RORA: variants seen among roughly 807,000 people sequenced by gnomAD.
RORA encodes RAR related orphan receptor A.
Under a neutral mutation model 69.5 loss-of-function variants are expected in RORA, and 7 were observed. That is an observed-to-expected ratio of 0.10 (90% confidence interval 0.06 to 0.19). The LOEUF (loss-of-function observed/expected upper bound fraction) is 0.19, where lower values mean the gene tolerates loss of function less well. Among genes scored for constraint, RORA ranks in the 10% least tolerant of loss-of-function variants. The probability of loss-of-function intolerance (pLI) is 1.00; values close to 1 mark genes in which losing one functional copy is unlikely to be tolerated. For synonymous variants in RORA, 261 were observed against 240.8 expected (o/e 1.08, Z -0.78); for missense variants, 457 against 663.0 (o/e 0.69, Z 3.41).
At chr15:61,003,893 C>T (rs892065103) in intron 1 of RORA, among the ~76,000 whole-genome samples, 1 of 151,874 alleles carries the variant, frequency 6.6e-6, no homozygotes, top group Non-Finnish European at 1.5e-5. Flanking sequence ...ACAGGGAGAA[C>T]GAGTAGGGAA....
intron 2 of RORA, among the ~76,000 whole-genome samples, chr15:60,634,415 C>CT (rs1254627258): frequency 1.7e-5 from 2 of 116,240 alleles, no homozygotes; most frequent in African/African-American, 7.4e-5. Context: ...TTTTTTTTTT[C>CT]TTTTTTTTGA....
At chr15:60,844,625 C>T (rs1027366623) in intron 1 of RORA, among the ~76,000 whole-genome samples, 1 of 152,184 alleles carries the variant, frequency 6.6e-6, no homozygotes, top group African/African-American at 2.4e-5. Context: ...GATCACCATA[C>T]TGCAAAGGAA....
At position 60,515,873 on chromosome 15, in the gene RORA, T is replaced by TATAC. The variant is rs1338442820; in HGVS notation, c.283-1120_283-1117dup. Among the ~76,000 whole-genome samples, 7 of 130,294 alleles carry TATAC rather than the reference T, an allele frequency of 5.4e-5. No homozygotes were observed. The South Asian group carries it at 6.6e-4, about 12-fold the overall frequency. 85.5% of individuals were successfully genotyped at this position (130,294 alleles called of 152,430 possible). ...GTGCACACCACCATGCCTGGCTAATTATACATACATACATACATATATATA... is the reference window on the plus strand; with the variant it reads ...GTGCACACCACCATGCCTGGCTAATTATACATACATACATACATACATATATATA... On this transcript the variant is annotated intron_variant, in intron 3 of 10. Transcript: ENST00000335670.
At chr15:60,725,848 T>C (rs2071350202) in intron 1 of RORA, among the ~76,000 whole-genome samples, 2 of 152,160 alleles carry the variant, frequency 1.3e-5, no homozygotes, top group South Asian at 2.1e-4. Flanking sequence ...GGGTCAGTCA[T>C]ACGAGTGAAG....
intron 1 of RORA, among the ~76,000 whole-genome samples, chr15:61,047,413 G>C (rs1897084325): frequency 6.6e-6 from 1 of 152,200 alleles, no homozygotes; most frequent in African/African-American, 2.4e-5. Context: ...AAAGCAACAG[G>C]ACTTGGGTTT....
intron 2 of RORA, among the ~76,000 whole-genome samples, chr15:60,538,874 T>A (rs571301038): frequency 6.6e-6 from 1 of 152,086 alleles, no homozygotes; most frequent in South Asian, 2.1e-4. Flanking sequence ...TTAAAAAAAA[T>A]GTTCTGCATC....
chr15:60,910,156 G>A (rs1891663318), intron 1 of RORA, among the ~76,000 whole-genome samples: 1 of 152,192 alleles, frequency 6.6e-6, no homozygotes, highest in Non-Finnish European at 1.5e-5. Context: ...GCTAAACAAG[G>A]GCTAGGTTAT....
At chr15:61,151,068 C>T (rs1260218511) in intron 1 of RORA, among the ~76,000 whole-genome samples, 1 of 140,874 alleles carries the variant, frequency 7.1e-6, no homozygotes, top group African/African-American at 2.5e-5. Context: ...TACCCATCAT[C>T]CAGAGCAGAC....
At chr15:60,747,114 C>T (rs1264445286) in intron 1 of RORA, among the ~76,000 whole-genome samples, 2 of 151,904 alleles carry the variant, frequency 1.3e-5, no homozygotes, top group African/African-American at 4.8e-5. Flanking sequence ...GGGAATATCC[C>T]CCTGCTCAAT....
In RORA at chr15:60,494,746, A is replaced by G. The variant is rs1490111486; in HGVS notation, c.*2709T>C. 1 of 152,216 alleles carries G rather than the reference A, an allele frequency of 6.6e-6. No individual in the cohort carries two copies. Among genetic ancestry groups the G allele is most frequent in the African/African-American group, 2.4e-5 (1 of 41,450 alleles). 9.4% of individuals were successfully genotyped at this position (152,216 alleles called of 1,614,324 possible). A position where few individuals can be genotyped will look rare whatever the true frequency, so the allele number is the denominator to read the frequency against. ...CCACCGCTGCTTTTCTTTCAGAAAC[A>G]CCTGGGAAGAAGCATCATATTACCT... On this transcript the variant is annotated 3_prime_UTR_variant, in exon 11 of 11. Transcript: ENST00000335670.
intron 2 of RORA, among the ~76,000 whole-genome samples, chr15:60,552,184 A>C (rs1483918188): frequency 6.6e-6 from 1 of 152,240 alleles, no homozygotes; most frequent in African/African-American, 2.4e-5. Context: ...GGTGTCAAAC[A>C]GGAAAATTAC....
intron 1 of RORA, among the ~76,000 whole-genome samples, chr15:60,679,802 C>T (rs1449450447): frequency 2.6e-5 from 4 of 152,158 alleles, no homozygotes; most frequent in Non-Finnish European, 5.9e-5. Flanking sequence ...AGACCAAAAT[C>T]ACACACTTGC....
At chr15:60,734,767 T>C (rs1567173006) in intron 1 of RORA, among the ~76,000 whole-genome samples, 2 of 152,258 alleles carry the variant, frequency 1.3e-5, no homozygotes, top group Admixed American at 6.5e-5. Context: ...CAGCATGGTG[T>C]AAATGTAACG....
In RORA at chr15:60,509,434, A is replaced by G. The variant is rs2065619930; in HGVS notation, c.820+1792T>C. ...CCAGACTGCACTGGAAAGTGAGACC[A>G]TGGAAGAGGAAGCTGACTTGTCCGG... is the stretch of plus-strand genomic sequence containing the variant. On this transcript the variant is annotated intron_variant, in intron 5 of 10. Transcript: ENST00000335670. Among the ~76,000 whole-genome samples the G allele has an allele frequency of 2.6e-5, 4 of 152,226 alleles. No homozygotes were observed. In the South Asian group the frequency reaches 8.3e-4, roughly 32 times the overall value.
chr15:60,952,547 G>A (rs1425143488), intron 1 of RORA, among the ~76,000 whole-genome samples: 2 of 151,626 alleles, frequency 1.3e-5, no homozygotes, highest in Non-Finnish European at 2.9e-5. Flanking sequence ...AAACCCCATT[G>A]TCTCAGCCCA....
At position 60,710,578 on chromosome 15, in the gene RORA, C is replaced by G. The variant is rs866226873; in HGVS notation, c.167-31892G>C. Among the ~76,000 whole-genome samples, 6 of 152,166 alleles carry G rather than the reference C, an allele frequency of 3.9e-5. No individual in the cohort carries two copies. The South Asian group carries it at 1.0e-3, about 26-fold the overall frequency. On this transcript the variant is annotated intron_variant, in intron 1 of 10. Transcript: ENST00000335670. ...CTTCAATCAGAGTGCAGATAAGTAA[C>G]CCGTCTAAGATGTGGTGCAGGATAT...
chr15:61,083,024 C>G (rs1028418873), intron 1 of RORA, among the ~76,000 whole-genome samples: 2 of 152,160 alleles, frequency 1.3e-5, no homozygotes, highest in Non-Finnish European at 2.9e-5. Flanking sequence ...TAAACAAAAC[C>G]TTCCTTTTCG....
chr15:60,968,228 G>A (rs182126497), intron 1 of RORA, among the ~76,000 whole-genome samples: 1 of 152,314 alleles, frequency 6.6e-6, no homozygotes, highest in African/African-American at 2.4e-5. Context: ...CCCAGGACTG[G>A]AAACCTGCTG....
chr15:61,031,315 G>A (rs6494243), intron 1 of RORA, among the ~76,000 whole-genome samples: 137,869 of 152,228 alleles, frequency 0.91, 62,574 homozygotes, highest in Middle Eastern at 0.96. Flanking sequence ...TATTTCACAC[G>A]TCTTCATCTG....
Sources: allele counts gnomAD v4.1 joint callset (sites outside exome capture counted in the v4.1 genomes callset), GRCh38; gene constraint gnomAD v4.1.1; transcripts MANE v1.5; gene names NCBI Gene and HGNC (gene_info 2026-07-23, HGNC 2026-07-21).